COL5A1: variants seen among roughly 807,000 people sequenced by gnomAD.
COL5A1 encodes the protein collagen type V alpha 1 chain.
In COL5A1, 16 loss-of-function variants were observed where a neutral mutation model predicts 263.7. The observed-to-expected ratio is 0.06, with a 90% CI of 0.04 to 0.09. The LOEUF (loss-of-function observed/expected upper bound fraction) is 0.09, where lower values mean the gene tolerates loss of function less well. COL5A1 is among the 10% of genes least tolerant of loss of function. The pLI is 1.00. For missense variants in COL5A1, 2,036 were observed against 2,540.5 expected (o/e 0.80, Z 4.27); for synonymous variants, 1,012 against 1,004.5 (o/e 1.01, Z -0.14).
chr9:134,792,444 C>T (rs1420902050), intron 32 of COL5A1, among the ~76,000 whole-genome samples: 4 of 152,108 alleles, frequency 2.6e-5, no homozygotes, highest in African/African-American at 9.7e-5. Context: ...GGTGCGATCT[C>T]AGCTCACTGC....
intron 18 of COL5A1, among the ~76,000 whole-genome samples, chr9:134,759,649 T>G (rs924812709): frequency 1.2e-5 from 1 of 85,328 alleles, no homozygotes; most frequent in African/African-American, 5.4e-5. Flanking sequence ...CATACACACA[T>G]GCACACATAC....
At chr9:134,802,479 C>T (rs1838149463) in intron 38 of COL5A1, among the ~76,000 whole-genome samples, 1 of 152,240 alleles carries the variant, frequency 6.6e-6, no homozygotes, top group African/African-American at 2.4e-5. Flanking sequence ...GCGCACACCT[C>T]ATGTAGCGGT....
At chr9:134,787,342 G>A (rs528841852) in intron 31 of COL5A1, among the ~76,000 whole-genome samples, 1 of 152,302 alleles carries the variant, frequency 6.6e-6, no homozygotes, top group Admixed American at 6.5e-5. Flanking sequence ...GGTTTCCTGG[G>A]TCCTGCCCCC....
intron 63 of COL5A1, among the ~76,000 whole-genome samples, chr9:134,828,736 G>T: frequency 1.2e-4 from 1 of 8,556 alleles, no homozygotes; most frequent in Admixed American, 1.2e-3. Flanking sequence ...CAGACACACA[G>T]ATACCACACA....
Position 134,699,971 on chromosome 9 carries a change from G to A in COL5A1, c.340G>A (p.Ala114Thr). The change falls in exon 3 of 66, where the codon GCC (alanine) becomes ACC (threonine). Residue 114 changes from alanine to threonine, a missense_variant. Physicochemically the swap from Ala to Thr is moderately conservative, Grantham distance 58 (BLOSUM62 0). Transcript: ENST00000371817. ...TTVKAKKGSQ[A>T]FLVSIYNEQG... ...TGTGAAAGCCAAGAAAGGCAGCCAG[G>A]CCTTCCTGGTCTCCATCTACAACGA... The A allele has an allele frequency of 6.2e-7, 1 of 1,613,938 alleles. No homozygotes were observed. Among genetic ancestry groups the A allele is most frequent in the Non-Finnish European group, 8.5e-7 (1 of 1,180,048 alleles).
At chr9:134,803,129 C>T (rs1226249923) in intron 39 of COL5A1, 134 bp downstream of exon 39, 2 of 782,640 alleles carry the variant, frequency 2.6e-6, no homozygotes, top group Admixed American at 2.0e-5. Context: ...GTTCACTCCC[C>T]AGACCGCACG....
At chr9:134,787,532 CTGAGCG>C (rs2132779549) in intron 31 of COL5A1, among the ~76,000 whole-genome samples, 1 of 152,338 alleles carries the variant, frequency 6.6e-6, no homozygotes, top group Admixed American at 6.5e-5. Context: ...CTGTGGGCAG[CTGAGCG>C]ACCTCACTGC....
In COL5A1 at chr9:134,761,904, G is replaced by A. The variant is rs77716946; in HGVS notation, c.1936-21G>A. 55,176 of 1,612,444 alleles carry A rather than the reference G, an allele frequency of 0.034. 1,094 individuals carry two copies. The highest frequency in any genetic ancestry group is 0.039 in the Non-Finnish European group (45,560 of 1,179,048). On this transcript the variant is annotated intron_variant, in intron 18 of 65. Transcript: ENST00000371817. The stretch of plus-strand genomic sequence containing the variant: ...CATGACCTGCTCAGGAGAGGCTGAC[G>A]TTGACCCTTTCACTTCCTAGGGTGA...
rs190580280 is a variant in COL5A1 at position 134,735,362 on chromosome 9, G to C, written c.1390-3112G>C. On this transcript the variant is annotated intron_variant, in intron 9 of 65. Transcript: ENST00000371817. ...TCTTTATGGTAAAAGTGCCTAAAGTGTACTCTTTTGGCAAATGACATCTAC... is the reference window on the plus strand; with the variant it reads ...TCTTTATGGTAAAAGTGCCTAAAGTCTACTCTTTTGGCAAATGACATCTAC... 2.8e-3 allele frequency among the ~76,000 whole-genome samples: 420 copies of C among 152,190 alleles called. 1 individual carries two copies. The highest frequency in any genetic ancestry group is 9.8e-3 in the African/African-American group (409 of 41,528).
At position 134,699,830 on chromosome 9, in the gene COL5A1, G is replaced by C. The variant is rs1053095168; in HGVS notation, c.278-79G>C. 12 of 1,409,552 alleles carry C rather than the reference G, an allele frequency of 8.5e-6. No homozygotes were observed. The African/African-American group carries it at 1.4e-4, about 17-fold the overall frequency. 87.3% of individuals were successfully genotyped at this position (1,409,552 alleles called of 1,614,324 possible). A position where few individuals can be genotyped will look rare whatever the true frequency, so the allele number is the denominator to read the frequency against. On this transcript the variant is annotated intron_variant, in intron 2 of 65. Coordinates refer to ENST00000371817, the MANE Select transcript of COL5A1 (RefSeq NM_000093.5). ...CACAGCTTCCCAGGGTCCCGGGCTG[G>C]CTTGTTTGCAGAGAGCCATGGCTGG... is the stretch of plus-strand genomic sequence containing the variant.
At chr9:134,825,312 A>G (rs979159538) in intron 62 of COL5A1, among the ~76,000 whole-genome samples, 3 of 152,172 alleles carry the variant, frequency 2.0e-5, no homozygotes, top group Non-Finnish European at 2.9e-5. Context: ...GATACTGTAA[A>G]AACACATCCT....
intron 1 of COL5A1, among the ~76,000 whole-genome samples, chr9:134,672,486 G>C (rs1394062184): frequency 6.6e-6 from 1 of 152,166 alleles, no homozygotes; most frequent in Non-Finnish European, 1.5e-5. Context: ...CTTTGTAGTA[G>C]TTTTAAACTT....
chr9:134,680,751 C>G lies in COL5A1; in HGVS notation c.110-10161C>G, dbSNP rs1832829275. 6.6e-6 allele frequency among the ~76,000 whole-genome samples: 1 copy of G among 152,184 alleles called. No homozygotes were observed. Among genetic ancestry groups the G allele is most frequent in the African/African-American group, 2.4e-5 (1 of 41,424 alleles). On this transcript the variant is annotated intron_variant, in intron 1 of 65. Coordinates refer to ENST00000371817, the MANE Select transcript of COL5A1 (RefSeq NM_000093.5). The surrounding 1 kb of genome is among the most constrained non-coding windows in gnomAD (Gnocchi z 5.9). ...GATGGACCTGTGACAGCCAGGGCCT[C>G]CCGGGAAAATTCCACAGGGGCAGAA...
At chr9:134,810,501 C>A (rs1193050799) in intron 44 of COL5A1, 193 bp downstream of exon 44, 1 of 600,216 alleles carries the variant, frequency 1.7e-6, no homozygotes, top group Non-Finnish European at 3.0e-6. Context: ...GGGAGTGAGT[C>A]TCTCTGTGTT....
At chr9:134,776,024 G>A (rs1006964303) in intron 27 of COL5A1, among the ~76,000 whole-genome samples, 1 of 152,220 alleles carries the variant, frequency 6.6e-6, no homozygotes, top group Admixed American at 6.5e-5. Context: ...CACTAAAATC[G>A]AGGCTGCTGT....
At chr9:134,671,916 T>C (rs568492115) in intron 1 of COL5A1, among the ~76,000 whole-genome samples, 48 of 152,274 alleles carry the variant, frequency 3.2e-4, no homozygotes, top group African/African-American at 1.0e-3. Flanking sequence ...CATTCCACAG[T>C]TTTGTCTGAA....
At position 134,841,869 on chromosome 9, in the gene COL5A1, G is replaced by A. The variant is rs963587324; in HGVS notation, c.5371-288G>A. Among the ~76,000 whole-genome samples the A allele has an allele frequency of 3.3e-5, 5 of 152,136 alleles. No homozygotes were observed. The highest frequency in any genetic ancestry group is 7.3e-5 in the Non-Finnish European group (5 of 68,028). On this transcript the variant is annotated intron_variant, in intron 65 of 65. Coordinates refer to ENST00000371817, the MANE Select transcript of COL5A1 (RefSeq NM_000093.5). This position sits in a 1 kb window ranked among gnomAD's most constrained non-coding sequence, Gnocchi z 4.8. Reference sequence around the variant, plus strand: ...AGGCTGATCAGCTTCAATCCTGTGTGTGCCTCAGCCACCCCTGAAGCCTTG... The same window carrying A: ...AGGCTGATCAGCTTCAATCCTGTGTATGCCTCAGCCACCCCTGAAGCCTTG...
intron 63 of COL5A1, among the ~76,000 whole-genome samples, chr9:134,826,542 GGGTGTGTGAAT>G (rs953491326): frequency 3.4e-5 from 5 of 149,128 alleles, no homozygotes; most frequent in African/African-American, 1.3e-4. Flanking sequence ...GTGTGTGGAT[GGGTGTGTGAAT>G]GGTGTGTGTG....
chr9:134,823,037 A>G lies in COL5A1; in HGVS notation c.4644+4A>G, dbSNP rs1478447420. 7 of 1,614,016 alleles carry G rather than the reference A, an allele frequency of 4.3e-6. 1 individual carries two copies. Among genetic ancestry groups the G allele is most frequent in the Non-Finnish European group, 5.9e-6 (7 of 1,179,980 alleles). On this transcript the variant is annotated splice_donor_region_variant and intron_variant, in intron 60 of 65. Transcript: ENST00000371817. ...AAAAGGTGCTAAGGGCTCCTCGGTA[A>G]GTAACATGCTGCCCAGCCAGGCCAA...
Sources: allele counts gnomAD v4.1 joint callset (sites outside exome capture counted in the v4.1 genomes callset), GRCh38; gene constraint gnomAD v4.1.1; non-coding constraint Gnocchi (gnomAD v3.1); transcripts MANE v1.5; gene names NCBI Gene and HGNC (gene_info 2026-07-23, HGNC 2026-07-21).